ZPBP: variants seen among roughly 807,000 people sequenced by gnomAD.
ZPBP encodes the protein zona pellucida binding protein.
A neutral mutation model predicts 44.8 loss-of-function variants in ZPBP; 26 were observed. The ratio of observed to expected loss-of-function variants is 0.58; its 90% CI spans 0.43 to 0.81. The LOEUF (loss-of-function observed/expected upper bound fraction) is 0.81, where lower values mean the gene tolerates loss of function less well. Among genes scored for constraint, ZPBP ranks in the 30% least tolerant of loss-of-function variants. The probability of loss-of-function intolerance (pLI) is 0.00; values close to 1 mark genes in which losing one functional copy is unlikely to be tolerated. For synonymous variants in ZPBP, 174 were observed against 153.2 expected (o/e 1.14, Z -1.00); for missense variants, 409 against 434.0 (o/e 0.94, Z 0.51).
At chr7:49,857,108 G>A (rs1321709718) in intron 2 of ZPBP, among the ~76,000 whole-genome samples, 1 of 148,892 alleles carries the variant, frequency 6.7e-6, no homozygotes, top group Non-Finnish European at 1.5e-5. Flanking sequence ...TTAACTATGG[G>A]CATGATATCG....
intron 1 of ZPBP, among the ~76,000 whole-genome samples, chr7:49,929,526 A>G (rs1451282912): frequency 6.6e-6 from 1 of 152,242 alleles, no homozygotes; most frequent in African/African-American, 2.4e-5. Flanking sequence ...CCAGGGACCA[A>G]CCAACAAACT....
In ZPBP at chr7:50,058,115, A is replaced by G; in HGVS notation, c.361T>C (p.Ser121Pro). Residue 121 changes from serine (S) to proline (P), a missense_variant, in exon 4 of 8, where the codon TCC becomes CCC. By Grantham distance (74) the Ser-to-Pro change is moderately conservative. This residue lies in a region of ZPBP where 367 missense variants were observed against 363.1 expected (regional missense o/e 1.01). Coordinates refer to ENST00000046087, the MANE Select transcript of ZPBP (RefSeq NM_007009.3). ...TTTTGGAATACAAGGCTTCCTGTGGATGTTATTTGTGCAGTGCGGTTTTCT... is the reference window on the plus strand; with the variant it reads ...TTTTGGAATACAAGGCTTCCTGTGGGTGTTATTTGTGCAGTGCGGTTTTCT... ...SVENRTAQITSTGSLVFQNFE... is the reference protein window; with the variant it reads ...SVENRTAQITPTGSLVFQNFE... The G allele has an allele frequency of 6.2e-7, 1 of 1,613,868 alleles. No homozygotes were observed. The highest frequency in any genetic ancestry group is 8.5e-7 in the Non-Finnish European group (1 of 1,179,864).
At chr7:50,033,691 T>G (rs1325994146) in intron 4 of ZPBP, among the ~76,000 whole-genome samples, 1 of 151,562 alleles carries the variant, frequency 6.6e-6, no homozygotes. Flanking sequence ...TATTTATTTA[T>G]TTATTTATTT....
chr7:50,044,780 T>C (rs1800263733), intron 4 of ZPBP, among the ~76,000 whole-genome samples: 1 of 151,914 alleles, frequency 6.6e-6, no homozygotes, highest in South Asian at 2.1e-4. Flanking sequence ...TTCCAAACAA[T>C]AGAAAAATAG....
In ZPBP at chr7:49,925,187, G is replaced by A. The variant is rs542422865; in HGVS notation, n.411+10564C>T. ...TGTTCTTTTGTGCAGGATTACATGA[G>A]TGGGCATCAGCCTTCCTATTAGCCT... On this transcript the variant is annotated intron_variant and non_coding_transcript_variant, in intron 1 of 2. Coordinates refer to the ZPBP transcript ENST00000465922. 3.7e-3 allele frequency among the ~76,000 whole-genome samples: 569 copies of A among 152,274 alleles called. 9 individuals carry two copies. The highest frequency in any genetic ancestry group is 2.0e-3 in the Non-Finnish European group (138 of 68,024).
intron 4 of ZPBP, among the ~76,000 whole-genome samples, chr7:50,053,557 A>T (rs190034845): frequency 6.6e-6 from 1 of 152,354 alleles, no homozygotes; most frequent in African/African-American, 2.4e-5. Flanking sequence ...ACGAAGAAGG[A>T]ATGCTTGTTA....
intron 4 of ZPBP, among the ~76,000 whole-genome samples, chr7:50,040,777 C>T (rs1339033253): frequency 6.6e-6 from 1 of 152,144 alleles, no homozygotes; most frequent in African/African-American, 2.4e-5. Flanking sequence ...TTTTCACACC[C>T]CATTGGTGCC....
At chr7:49,939,098 G>A (rs758166917) in intron 7 of ZPBP, among the ~76,000 whole-genome samples, 15 of 152,124 alleles carry the variant, frequency 9.9e-5, no homozygotes, top group Non-Finnish European at 1.5e-4. Flanking sequence ...TACACAGTAA[G>A]CTTCCAATGA....
intron 7 of ZPBP, among the ~76,000 whole-genome samples, chr7:49,973,560 T>C (rs1388083412): frequency 1.3e-5 from 2 of 152,040 alleles, no homozygotes; most frequent in Non-Finnish European, 2.9e-5. Flanking sequence ...AAAGAAGATA[T>C]ACAAATGGCC....
chr7:49,973,577 C>T (rs1232756419), intron 7 of ZPBP, among the ~76,000 whole-genome samples: 1 of 151,984 alleles, frequency 6.6e-6, no homozygotes, highest in African/African-American at 2.4e-5. Context: ...GGCCAATAAA[C>T]ACATGAAAAG....
rs1049412739 is a variant in ZPBP, at chr7:49,977,050, C to T, written c.961+6292G>A. ...CCAGGAGACGGAGCTTGCAGTGAGC[C>T]GAGATCCCGCCACTGCACTCCAGCC... On this transcript the variant is annotated intron_variant, in intron 7 of 7. Coordinates refer to ENST00000046087, the MANE Select transcript of ZPBP (RefSeq NM_007009.3). Among the ~76,000 whole-genome samples, 66 of 151,288 alleles carry T rather than the reference C, an allele frequency of 4.4e-4. 1 individual carries two copies. Among genetic ancestry groups the T allele is most frequent in the Non-Finnish European group, 7.8e-4 (53 of 67,806 alleles).
At chr7:49,980,024 T>A (rs1796725240) in intron 7 of ZPBP, among the ~76,000 whole-genome samples, 2 of 14,064 alleles carry the variant, frequency 1.4e-4, no homozygotes, top group Non-Finnish European at 2.8e-4. Context: ...ATAATATAAT[T>A]TTATATTATA....
intron 7 of ZPBP, among the ~76,000 whole-genome samples, chr7:49,981,211 T>A (rs1375142306): frequency 8.3e-6 from 1 of 120,048 alleles, no homozygotes; most frequent in African/African-American, 3.1e-5. Flanking sequence ...ATATATAATG[T>A]AATATATATT....
At chr7:49,969,816 T>TAG (rs1427465534) in intron 7 of ZPBP, among the ~76,000 whole-genome samples, 24 of 136,122 alleles carry the variant, frequency 1.8e-4, no homozygotes, top group Admixed American at 3.6e-4. Context: ...TATATATATA[T>TAG]ATAGAGAGAG....
intron 3 of ZPBP, among the ~76,000 whole-genome samples, chr7:50,061,290 T>C (rs951365892): frequency 1.3e-5 from 2 of 152,116 alleles, no homozygotes; most frequent in African/African-American, 4.8e-5. Context: ...CCTATTAACA[T>C]AGTTCTGGAA....
At chr7:49,869,342 G>A (rs1791037873) in intron 2 of ZPBP, among the ~76,000 whole-genome samples, 1 of 152,172 alleles carries the variant, frequency 6.6e-6, no homozygotes, top group Non-Finnish European at 1.5e-5. Context: ...AAGTAATACT[G>A]AACAAGGTCT....
intron 1 of ZPBP, among the ~76,000 whole-genome samples, chr7:49,932,086 A>G (rs1794465761): frequency 6.6e-6 from 1 of 152,258 alleles, no homozygotes. Context: ...ATGTCCAGGC[A>G]GAGGTGTGCT....
chr7:49,876,410 T>C lies in ZPBP; in HGVS notation n.509+24708A>G, dbSNP rs113308315. Among the ~76,000 whole-genome samples the C allele has an allele frequency of 8.7e-3, 1,320 of 152,218 alleles. 5 individuals are homozygous for C. Among genetic ancestry groups the C allele is most frequent in the Non-Finnish European group, 0.011 (774 of 67,996 alleles). Reference sequence around the variant, plus strand: ...CTATGAGCCTTCGTTTCCACATCTATAGTGTGGGAAAACAGCACCTGTCTC... The same window carrying C: ...CTATGAGCCTTCGTTTCCACATCTACAGTGTGGGAAAACAGCACCTGTCTC... On this transcript the variant is annotated intron_variant and non_coding_transcript_variant, in intron 2 of 2. Coordinates refer to the ZPBP transcript ENST00000465922.
In ZPBP at chr7:50,018,323, A is replaced by G. The variant is rs139249676; in HGVS notation, c.707-7T>C. ...TCAGTGTCTAGAGATGAAACTGAGA[A>G]AATATATTATATTTTATCATGGGTA... On this transcript the variant is annotated splice_polypyrimidine_tract_variant and splice_region_variant and intron_variant, in intron 5 of 7. Transcript: ENST00000046087. 9.5e-4 allele frequency: 1,512 copies of G among 1,586,124 alleles called. 14 individuals carry two copies. The African/African-American group carries it at 0.017, about 18-fold the overall frequency.
Sources: gnomAD v4.1 joint callset for allele counts (sites outside exome capture counted in the v4.1 genomes callset) on GRCh38, gnomAD v4.1.1 for gene constraint, gnomAD v4.1.1 regional missense constraint, MANE v1.5 for transcripts, NCBI Gene and HGNC (gene_info 2026-07-23, HGNC 2026-07-21) for gene names.